Variants in ERC2 observed in about 807,000 individuals in gnomAD.
The protein encoded by ERC2 is ELKS/RAB6-interacting/CAST family member 2.
ERC2 carries 42 observed loss-of-function variants against 114.8 expected under a neutral mutation model. The observed-to-expected ratio is 0.37, with a 90% CI of 0.29 to 0.47. The LOEUF is 0.47. Among genes scored for constraint, ERC2 ranks in the 20% least tolerant of loss-of-function variants. ERC2 has a pLI of 0.99. For synonymous variants in ERC2, 454 were observed against 425.5 expected (o/e 1.07, Z -0.82); for missense variants, 939 against 1,150.7 (o/e 0.82, Z 2.66).
At chr3:56,280,770 G>T (rs892498417) in intron 3 of ERC2, among the ~76,000 whole-genome samples, 1 of 152,218 alleles carries the variant, frequency 6.6e-6, no homozygotes, top group Non-Finnish European at 1.5e-5. Context: ...ATGCTATGAG[G>T]AGTGACTATT....
chr3:55,752,530 G>T (rs901377052), intron 14 of ERC2, among the ~76,000 whole-genome samples: 1 of 152,198 alleles, frequency 6.6e-6, no homozygotes, highest in Non-Finnish European at 1.5e-5. Context: ...CAAGGGACAG[G>T]CCATAGAGCC....
intron 17 of ERC2, among the ~76,000 whole-genome samples, chr3:55,640,902 G>A (rs896568329): frequency 6.6e-6 from 1 of 152,110 alleles, no homozygotes; most frequent in Non-Finnish European, 1.5e-5. Context: ...TCAGACTGTG[G>A]GGAGCGAACA....
intron 12 of ERC2, among the ~76,000 whole-genome samples, chr3:55,971,405 G>T (rs550491401): frequency 1.1e-4 from 17 of 151,748 alleles, no homozygotes; most frequent in African/African-American, 4.1e-4. Context: ...CTATAAAAAA[G>T]TTTATAAAAA....
chr3:55,718,676 C>G (rs1306192179), intron 15 of ERC2, among the ~76,000 whole-genome samples: 1 of 152,118 alleles, frequency 6.6e-6, no homozygotes, highest in Non-Finnish European at 1.5e-5. Context: ...CTCTGCCTGC[C>G]CCTCACAGAC....
chr3:55,536,096 C>T (rs2053985460), intron 17 of ERC2, among the ~76,000 whole-genome samples: 1 of 152,210 alleles, frequency 6.6e-6, no homozygotes, highest in Non-Finnish European at 1.5e-5. Context: ...CTTTCTAAAA[C>T]ATACAAATTG....
At chr3:56,259,432 T>C (rs1240206192) in intron 3 of ERC2, among the ~76,000 whole-genome samples, 1 of 151,718 alleles carries the variant, frequency 6.6e-6, no homozygotes, top group African/African-American at 2.4e-5. Context: ...TAAAATTAGG[T>C]TGTGTCCCTC....
At chr3:56,308,080 T>A (rs1446135155) in intron 2 of ERC2, among the ~76,000 whole-genome samples, 2 of 152,152 alleles carry the variant, frequency 1.3e-5, no homozygotes, top group Non-Finnish European at 2.9e-5. Flanking sequence ...GTCCTCTCCA[T>A]CAAAACTCAC....
At chr3:55,620,946 C>G (rs1054203264) in intron 17 of ERC2, among the ~76,000 whole-genome samples, 1 of 152,118 alleles carries the variant, frequency 6.6e-6, no homozygotes, top group African/African-American at 2.4e-5. Context: ...TTTACTAGCT[C>G]GGAACAACTA....
intron 17 of ERC2, among the ~76,000 whole-genome samples, chr3:55,619,016 C>T (rs755900050): frequency 9.9e-5 from 15 of 152,166 alleles, no homozygotes; most frequent in Non-Finnish European, 2.1e-4. Context: ...GGTAAAACCA[C>T]AAGTGGGCTC....
intron 2 of ERC2, among the ~76,000 whole-genome samples, chr3:56,315,756 G>C (rs1256642052): frequency 7.2e-6 from 1 of 138,588 alleles, no homozygotes; most frequent in Admixed American, 7.4e-5. Flanking sequence ...AAGTCAGAAA[G>C]AGAAAAAAAA....
intron 2 of ERC2, among the ~76,000 whole-genome samples, chr3:56,330,320 T>C (rs1472225293): frequency 2.0e-5 from 3 of 152,230 alleles, no homozygotes; most frequent in Middle Eastern, 3.2e-3. Context: ...ATTATAGGCA[T>C]GAGCCACCAT....
intron 1 of ERC2, among the ~76,000 whole-genome samples, chr3:56,447,669 C>A (rs1422516849): frequency 6.6e-6 from 1 of 151,692 alleles, no homozygotes; most frequent in Non-Finnish European, 1.5e-5. Flanking sequence ...AATATATTCT[C>A]TTTTCATTTA....
At chr3:55,790,462 G>T (rs2069908045) in intron 14 of ERC2, among the ~76,000 whole-genome samples, 1 of 152,178 alleles carries the variant, frequency 6.6e-6, no homozygotes, top group Admixed American at 6.5e-5. Flanking sequence ...CACAGAACTT[G>T]TCAACAGAGT....
At chr3:55,522,014 A>G (rs2052983694) in intron 17 of ERC2, among the ~76,000 whole-genome samples, 1 of 152,262 alleles carries the variant, frequency 6.6e-6, no homozygotes, top group African/African-American at 2.4e-5. Context: ...AAACACAGTC[A>G]TCATTGTCAG....
chr3:56,393,679 T>C (rs1231509374), intron 2 of ERC2, among the ~76,000 whole-genome samples: 1 of 152,226 alleles, frequency 6.6e-6, no homozygotes, highest in African/African-American at 2.4e-5. Flanking sequence ...CTAATAAATT[T>C]ATGGAATGAA....
chr3:55,917,576 G>A (rs531412668), intron 13 of ERC2, among the ~76,000 whole-genome samples: 17 of 152,212 alleles, frequency 1.1e-4, no homozygotes, highest in African/African-American at 3.9e-4. Context: ...TATATGAAAT[G>A]TATGAATAGG....
intron 17 of ERC2, among the ~76,000 whole-genome samples, chr3:55,568,668 AGCCTTCCT>A (rs1277599487): frequency 6.6e-6 from 1 of 152,224 alleles, no homozygotes; most frequent in Admixed American, 6.5e-5. Flanking sequence ...TTACTTCAAT[AGCCTTCCT>A]GCCTTTGCCC....
intron 15 of ERC2, among the ~76,000 whole-genome samples, chr3:55,700,623 C>A (rs941477683): frequency 6.6e-6 from 1 of 152,152 alleles, no homozygotes; most frequent in African/African-American, 2.4e-5. Context: ...TTTGTATGTG[C>A]TGCTTCCTTT....
chr3:55,666,499 T>C (rs2061361699), intron 17 of ERC2, among the ~76,000 whole-genome samples: 1 of 152,148 alleles, frequency 6.6e-6, no homozygotes, highest in Admixed American at 6.5e-5. Context: ...CGGGTCAAAC[T>C]CTGATAATGT....
Sources: allele counts gnomAD v4.1 joint callset (sites outside exome capture counted in the v4.1 genomes callset), GRCh38; gene constraint gnomAD v4.1.1; transcripts MANE v1.5; gene names NCBI Gene and HGNC (gene_info 2026-07-23, HGNC 2026-07-21).